The following LEKR1 variants were observed in gnomAD, a reference collection of about 807,000 sequenced individuals.
LEKR1 encodes the protein leucine, glutamate and lysine rich 1, also known as protein LEKR1.
In LEKR1, 59 loss-of-function variants were observed where a neutral mutation model predicts 72.4. The ratio of observed to expected loss-of-function variants is 0.82; its 90% CI spans 0.66 to 1.01. The LOEUF (loss-of-function observed/expected upper bound fraction) is 1.01. Among genes scored for constraint, LEKR1 ranks in the 50% least tolerant of loss-of-function variants. LEKR1 has a pLI of 0.00. For synonymous variants in LEKR1, 257 were observed against 263.2 expected, an observed-to-expected ratio of 0.98 and a Z score of 0.23; for missense variants, 728 against 759.2, an observed-to-expected ratio of 0.96 and a Z score of 0.48.
Position 156,915,532 on chromosome 3 carries a change from T to C in LEKR1, c.264-5043T>C, listed in dbSNP as rs143606569. Among the ~76,000 whole-genome samples, 446 of 152,302 alleles carry C rather than the reference T, an allele frequency of 2.9e-3. 1 individual carries two copies. The highest frequency in any genetic ancestry group is 0.01 in the African/African-American group (425 of 41,562). ...CAATTATATTGAGTTTTTTTTCATA[T>C]GCTCATTGGCCACATGTATGTCTTC... On this transcript the variant is annotated intron_variant, in intron 3 of 12. Coordinates refer to ENST00000356539, the MANE Select transcript of LEKR1 (RefSeq NM_001004316.3).
intron 10 of LEKR1, among the ~76,000 whole-genome samples, chr3:157,015,294 C>T (rs932999963): frequency 6.6e-6 from 1 of 152,180 alleles, no homozygotes; most frequent in South Asian, 2.1e-4. Context: ...ACAAAAAGTC[C>T]GCCTTGCATA....
Position 156,835,863 on chromosome 3 carries a change from C to CT in LEKR1, c.48+6515dup, listed in dbSNP as rs59061418. ...TCCCCCCAAGTCTTGCTCTGTCTCA[C>CT]TTTTTTTTTTTTTTTTTTTTTTTTT... is the stretch of plus-strand genomic sequence containing the variant. On this transcript the variant is annotated intron_variant, in intron 2 of 12. Coordinates refer to ENST00000356539, the MANE Select transcript of LEKR1 (RefSeq NM_001004316.3). 9.5e-3 allele frequency among the ~76,000 whole-genome samples: 525 copies of CT among 55,524 alleles called. 112 individuals carry two copies. Among genetic ancestry groups the CT allele is most frequent in the African/African-American group, 0.024 (358 of 14,790 alleles). 36.4% of individuals were successfully genotyped at this position (55,524 alleles called of 152,430 possible).
intron 9 of LEKR1, among the ~76,000 whole-genome samples, chr3:156,993,669 G>A (rs1425015428): frequency 6.6e-6 from 1 of 151,798 alleles, no homozygotes; most frequent in East Asian, 1.9e-4. Context: ...CCTTCTATTG[G>A]CTCCTACTTT....
intron 3 of LEKR1, among the ~76,000 whole-genome samples, chr3:156,897,173 C>T (rs1228583388): frequency 1.3e-5 from 2 of 152,124 alleles, no homozygotes; most frequent in African/African-American, 4.8e-5. Context: ...TATAACAAAC[C>T]TGTATATGTA....
intron 3 of LEKR1, among the ~76,000 whole-genome samples, chr3:156,856,020 G>T (rs1716012189): frequency 6.6e-6 from 1 of 152,152 alleles, no homozygotes; most frequent in African/African-American, 2.4e-5. Context: ...TCACTAAAGA[G>T]AAGTTAGAGT....
chr3:156,916,384 T>G (rs189323851), intron 3 of LEKR1, among the ~76,000 whole-genome samples: 354 of 152,294 alleles, frequency 2.3e-3, no homozygotes, highest in Non-Finnish European at 4.4e-3. Context: ...ATTCTTCCTA[T>G]CCATGAGCAT....
intron 12 of LEKR1, among the ~76,000 whole-genome samples, chr3:157,032,690 CA>C (rs755423586): frequency 2.0e-4 from 31 of 152,190 alleles, no homozygotes; most frequent in Non-Finnish European, 3.8e-4. Flanking sequence ...TGGGAGGATT[CA>C]AAATGGAGAA....
intron 1 of LEKR1, among the ~76,000 whole-genome samples, chr3:156,828,415 C>T (rs1352190637): frequency 6.6e-6 from 1 of 152,090 alleles, no homozygotes; most frequent in Non-Finnish European, 1.5e-5. Flanking sequence ...TCCCACCTCT[C>T]ATCTGAAACA....
chr3:156,988,241 A>G (rs1730866539), intron 7 of LEKR1: 1 of 202,678 alleles, frequency 4.9e-6, no homozygotes, highest in Admixed American at 4.7e-5. Context: ...TCCACCACCT[A>G]CAAGTGCACA....
chr3:156,850,118 C>G (rs543098453), intron 2 of LEKR1, among the ~76,000 whole-genome samples: 1 of 151,804 alleles, frequency 6.6e-6, no homozygotes, highest in East Asian at 1.9e-4. Context: ...AGATGCTTCT[C>G]AAAAGAAGAC....
At chr3:156,993,593 C>CCAATCA (rs1047280898) in intron 9 of LEKR1, among the ~76,000 whole-genome samples, 1 of 151,726 alleles carries the variant, frequency 6.6e-6, no homozygotes, top group Non-Finnish European at 1.5e-5. Context: ...CTAAATTTCA[C>CCAATCA]CTGGGTCAGT....
At chr3:157,045,309 GTC>G (rs764199803) in intron 12 of LEKR1, 29 bp from the exon 13 acceptor site, 19 of 1,571,258 alleles carry the variant, frequency 1.2e-5, no homozygotes, top group Non-Finnish European at 1.6e-5. Context: ...TTAAAGCTAA[GTC>G]TGCTTTCTTT....
chr3:157,025,590 A>G (rs1003768767), intron 11 of LEKR1, among the ~76,000 whole-genome samples: 4 of 152,210 alleles, frequency 2.6e-5, no homozygotes, highest in Non-Finnish European at 5.9e-5. Context: ...TACAGGAGGT[A>G]TGGTACATCC....
chr3:157,008,388 A>G (rs528915370), intron 9 of LEKR1, among the ~76,000 whole-genome samples: 1 of 152,320 alleles, frequency 6.6e-6, no homozygotes, highest in South Asian at 2.1e-4. Flanking sequence ...GGCTGTATCA[A>G]TAATTGTTTT....
At chr3:156,878,001 T>C (rs1364312015) in intron 3 of LEKR1, among the ~76,000 whole-genome samples, 1 of 152,160 alleles carries the variant, frequency 6.6e-6, no homozygotes, top group Non-Finnish European at 1.5e-5. Context: ...CAGGCTGGTC[T>C]CGAACTCCTG....
intron 2 of LEKR1, among the ~76,000 whole-genome samples, chr3:156,830,642 A>T (rs1467177566): frequency 6.6e-6 from 1 of 152,212 alleles, no homozygotes. Context: ...GAATTGTTAT[A>T]AGAAAGGCAT....
Position 157,045,786 on chromosome 3 carries a change from C to T in LEKR1, c.*36C>T, listed in dbSNP as rs1340071668. The T allele has an allele frequency of 3.8e-6, 6 of 1,561,060 alleles. No individual in the cohort carries two copies. The highest frequency in any genetic ancestry group is 5.2e-6 in the Non-Finnish European group (6 of 1,149,964). On this transcript the variant is annotated 3_prime_UTR_variant, in exon 13 of 13. Transcript: ENST00000356539. ...GGAGCAGGAAGCTCCCTACAGCGTGCACGCTCTTTCAGAGAGTGCCAGGAA... is the reference window on the plus strand; with the variant it reads ...GGAGCAGGAAGCTCCCTACAGCGTGTACGCTCTTTCAGAGAGTGCCAGGAA...
intron 6 of LEKR1, among the ~76,000 whole-genome samples, chr3:156,948,198 A>C (rs559119976): frequency 6.6e-6 from 1 of 151,318 alleles, no homozygotes; most frequent in African/African-American, 2.4e-5. Context: ...TTCTTTAATA[A>C]GATGTAATAG....
At chr3:156,883,573 TGG>T (rs2108553637) in intron 3 of LEKR1, among the ~76,000 whole-genome samples, 1 of 152,306 alleles carries the variant, frequency 6.6e-6, no homozygotes, top group South Asian at 2.1e-4. Flanking sequence ...GGGAGGGACT[TGG>T]TGGGAGATAA....
Sources: allele counts gnomAD v4.1 joint callset (sites outside exome capture counted in the v4.1 genomes callset), GRCh38; gene constraint gnomAD v4.1.1; transcripts MANE v1.5; gene names NCBI Gene and HGNC (gene_info 2026-07-23, HGNC 2026-07-21).